Variants in PLEC observed in about 807,000 individuals in gnomAD.
PLEC encodes hemidesmosomal protein 1.
Under a neutral mutation model 392.8 loss-of-function variants are expected in PLEC, and 216 were observed. That is an observed-to-expected ratio of 0.55 (90% CI 0.49 to 0.62). The LOEUF (loss-of-function observed/expected upper bound fraction) is 0.62. Among genes scored for constraint, PLEC ranks in the 20% least tolerant of loss-of-function variants. The pLI is 0.00. For synonymous variants in PLEC, 3,621 were observed against 2,980.6 expected, an observed-to-expected ratio of 1.21 and a Z score of -7.00; for missense variants, 6,863 against 6,563.4, an observed-to-expected ratio of 1.05 and a Z score of -1.58.
Position 143,939,380 on chromosome 8 carries a change from C to A in PLEC, c.82G>T (p.Ala28Ser). The A allele has an allele frequency of 1.2e-5, 20 of 1,612,688 alleles. No homozygotes were observed. Among genetic ancestry groups the A allele is most frequent in the Non-Finnish European group, 1.6e-5 (19 of 1,179,766 alleles). The change falls in exon 1 of 32, where the codon GCT (alanine) becomes TCT (serine). Residue 28 changes from alanine (A) to serine (S), a missense_variant. By Grantham distance (99) the Ala-to-Ser change is moderately conservative (BLOSUM62 1). Transcript: ENST00000345136. The stretch of plus-strand genomic sequence containing the variant: ...TTGCCCTCAGAGGCCCTGAGCACAG[C>A]CAGGTACAGGTTGTCCTCCGAGCTG... The part of the protein sequence containing the change: ...RTSSEDNLYL[A>S]VLRASEGKKD...
intron 1 of PLEC, among the ~76,000 whole-genome samples, 169 bp downstream of exon 1, chr8:143,939,181 C>T (rs1418603360): frequency 2.0e-5 from 3 of 152,188 alleles, no homozygotes; most frequent in African/African-American, 7.2e-5. Flanking sequence ...GTCAGCCTCG[C>T]GGGCGCCTGT....
At chr8:143,928,173 G>GT (rs1359084647) in intron 25 of PLEC, among the ~76,000 whole-genome samples, 181 bp from the exon 26 acceptor site, 14 of 152,254 alleles carry the variant, frequency 9.2e-5, no homozygotes, top group African/African-American at 3.4e-4. Flanking sequence ...GGAGAAGGAG[G>GT]TTGGGAGCCT....
chr8:143,950,173 G>A, intron 1 of PLEC: 9 of 1,502,408 alleles, frequency 6.0e-6, no homozygotes, highest in Non-Finnish European at 8.0e-6. Context: ...TGGGGTCAGG[G>A]TGCAGCTGAC....
At position 143,918,558 on chromosome 8, in the gene PLEC, G is replaced by T; in HGVS notation, c.11263C>A (p.Pro3755Thr). The change falls in exon 32 of 32, where the codon CCC (proline) becomes ACC (threonine). Residue 3755 changes from proline to threonine, a missense_variant. Physicochemically the swap from Pro to Thr is conservative, Grantham distance 38 (BLOSUM62 -1). Transcript: ENST00000345136. ...DEAVRKGLVG[P>T]ELHDRLLSAE... ...GAGAGCAGGCGGTCGTGCAGCTCGG[G>T]CCCCACGAGGCCCTTCCGCACAGCC... 6.2e-7 allele frequency: 1 copy of T among 1,610,954 alleles called. No homozygotes were observed. Among genetic ancestry groups the T allele is most frequent in the Non-Finnish European group, 8.5e-7 (1 of 1,179,544 alleles).
At chr8:143,930,925 C>G (rs1344195716) in intron 19 of PLEC, among the ~76,000 whole-genome samples, 5 of 152,186 alleles carry the variant, frequency 3.3e-5, no homozygotes, top group Non-Finnish European at 4.4e-5. Context: ...CGGCTCTCCC[C>G]CCGGCCCAGC....
Position 143,931,527 on chromosome 8 carries a change from C to A in PLEC, c.2304+7G>T. ...CCTGACACGCCCCTGCACACCCCCT[C>A]CCTCACCTGGGCATCCTGCAGCAGG... On this transcript the variant is annotated splice_region_variant and intron_variant, in intron 19 of 31. Coordinates refer to ENST00000345136, the MANE Select transcript of PLEC (RefSeq NM_201384.3). The A allele has an allele frequency of 1.3e-6, 2 of 1,580,680 alleles. No individual in the cohort carries two copies. Among genetic ancestry groups the A allele is most frequent in the East Asian group, 2.3e-5 (1 of 43,270 alleles).
intron 19 of PLEC, 76 bp from the exon 20 acceptor site, chr8:143,930,612 G>A (rs2131802992): frequency 6.7e-7 from 1 of 1,489,336 alleles, no homozygotes; most frequent in Non-Finnish European, 9.1e-7. Context: ...CAGACCCCGG[G>A]ACCAGGCCTG....
At chr8:143,953,797 G>C (rs1554738244), upstream of PLEC, 1 of 1,611,578 alleles carries the variant, frequency 6.2e-7, no homozygotes, top group Non-Finnish European at 8.5e-7. Context: ...GAGGGCGGCT[G>C]TGCCACCACC....
intron 30 of PLEC, among the ~76,000 whole-genome samples, chr8:143,926,314 G>A (rs903522860): frequency 2.8e-4 from 43 of 152,314 alleles, no homozygotes; most frequent in Non-Finnish European, 5.1e-4. Flanking sequence ...GAGGCGAGGC[G>A]GCCAGCGTGG....
upstream of PLEC, among the ~76,000 whole-genome samples, chr8:143,940,861 G>A (rs1269650918): frequency 2.0e-5 from 3 of 152,114 alleles, no homozygotes; most frequent in East Asian, 1.9e-4. Context: ...CTGCCACATC[G>A]TACACGCCGC....
rs1451297852 is a variant in PLEC at position 143,969,166 on chromosome 8, G to T, written c.70+4237C>A. 6.6e-6 allele frequency among the ~76,000 whole-genome samples: 1 copy of T among 152,210 alleles called. No homozygotes were observed. Among genetic ancestry groups the T allele is most frequent in the Non-Finnish European group, 1.5e-5 (1 of 68,036 alleles). On this transcript the variant is annotated intron_variant, in intron 1 of 31. Transcript: ENST00000356346. The surrounding 1 kb of genome is among the most constrained non-coding windows in gnomAD (Gnocchi z 5.1). ...GTGGGCACTTCCACACCACGGAACC[G>T]ACTCCAGCGGGGGGAGGGTGAGGTG... is the stretch of plus-strand genomic sequence containing the variant.
chr8:143,973,926 G>A (rs1833566371), upstream of PLEC, among the ~76,000 whole-genome samples: 1 of 152,018 alleles, frequency 6.6e-6, no homozygotes, highest in African/African-American at 2.4e-5. This position sits in a 1 kb window ranked among gnomAD's most constrained non-coding sequence, Gnocchi z 5.6. Flanking sequence ...TCGGTATAAA[G>A]AACCCTTAAA....
upstream of PLEC, chr8:143,939,654 G>A (rs868921663): frequency 1.9e-5 from 27 of 1,420,032 alleles, no homozygotes; most frequent in African/African-American, 1.6e-4. Flanking sequence ...GCCCGCCCCC[G>A]AGGCCCCACC....
Position 143,920,315 on chromosome 8 carries a change from C to T in PLEC, c.9506G>A (p.Arg3169Lys), listed in dbSNP as rs1554681394. The T allele has an allele frequency of 1.3e-6, 2 of 1,591,706 alleles. No individual in the cohort carries two copies. ...GTCGGCCCTTGGTGCCGACAGGGCC[C>T]TGCTGGTCTCCTCATCCAGGCAGCC... ...ARGCLDEETSRALSAPRADAK... is the reference protein window; with the variant it reads ...ARGCLDEETSKALSAPRADAK... The change falls in exon 32 of 32, where the codon AGG (arginine) becomes AAG (lysine). Residue 3169 changes from arginine to lysine, a missense_variant. Transcript: ENST00000345136.
chr8:143,960,750 C>T (rs1267370724), intron 1 of PLEC, among the ~76,000 whole-genome samples: 1 of 152,236 alleles, frequency 6.6e-6, no homozygotes, highest in South Asian at 2.1e-4. Context: ...TTGCTCCCCT[C>T]CCTTCTCCCT....
chr8:143,944,041 G>A (rs1208488727), upstream of PLEC: 8 of 1,231,786 alleles, frequency 6.5e-6, no homozygotes, highest in Admixed American at 1.2e-4. Context: ...ATACGCGGCG[G>A]CAGCCCCACA....
upstream of PLEC, chr8:143,939,741 T>C (rs1170188661): frequency 2.8e-6 from 2 of 707,340 alleles, no homozygotes; most frequent in African/African-American, 1.9e-5. Flanking sequence ...AGACACGCCC[T>C]CGGCCCGCCA....
chr8:143,923,068 G>A lies in PLEC; in HGVS notation c.6861C>T (p.Ala2287=). 1 of 1,609,208 alleles carries A rather than the reference G, an allele frequency of 6.2e-7. No homozygotes were observed. The highest frequency in any genetic ancestry group is 8.5e-7 in the Non-Finnish European group (1 of 1,179,600). ...GCTGCCGCAGTCGCGCAGCCTCTTG[G>A]GCCGCCACACTCAGCCGCGCGGCCT... ...AEEAARLSVA[A]QEAARLRQLA... The change falls in exon 31 of 32, where the codon GCC becomes GCT. Residue 2287 remains alanine (A), a synonymous_variant. Coordinates refer to ENST00000345136, the MANE Select transcript of PLEC (RefSeq NM_201384.3).
chr8:143,935,846 A>C lies in PLEC; in HGVS notation c.602+2T>G. 6.2e-7 allele frequency: 1 copy of C among 1,612,642 alleles called. No individual in the cohort carries two copies. The highest frequency in any genetic ancestry group is 8.5e-7 in the Non-Finnish European group (1 of 1,179,882). ...CAGCCCCCTGCCCCCGGGGCCATGT[A>C]CTTGTGCCGGTGGATGATGGCATTG... On this transcript the variant is annotated splice_donor_variant, in intron 6 of 31. Coordinates refer to ENST00000345136, the MANE Select transcript of PLEC (RefSeq NM_201384.3). LOFTEE classifies it high-confidence loss of function.
Sources: allele counts gnomAD v4.1 joint callset (sites outside exome capture counted in the v4.1 genomes callset), GRCh38; gene constraint gnomAD v4.1.1; non-coding constraint Gnocchi (gnomAD v3.1); transcripts MANE v1.5; gene names NCBI Gene and HGNC (gene_info 2026-07-23, HGNC 2026-07-21).